The following DNAJC6 variants were observed in gnomAD, a reference collection of about 807,000 sequenced individuals.
The protein encoded by DNAJC6 is auxilin.
Under a neutral mutation model 110.0 loss-of-function variants are expected in DNAJC6, and 34 were observed. The ratio of observed to expected loss-of-function variants is 0.31; its 90% CI spans 0.24 to 0.41. The LOEUF is 0.41. DNAJC6 is among the 10% of genes least tolerant of loss of function. The probability of loss-of-function intolerance (pLI) is 1.00; values close to 1 mark genes in which losing one functional copy is unlikely to be tolerated. For synonymous variants in DNAJC6, 406 were observed against 437.2 expected (o/e 0.93, Z 0.89); for missense variants, 1,031 against 1,207.8 (o/e 0.85, Z 2.17).
chr1:65,406,038 C>G lies in DNAJC6; in HGVS notation c.2396C>G (p.Pro799Arg). 6.2e-7 allele frequency: 1 copy of G among 1,614,150 alleles called. No homozygotes were observed. The highest frequency in any genetic ancestry group is 8.5e-7 in the Non-Finnish European group (1 of 1,180,042). ...CAGCCTAAGCCTCAGCCCAGCATGC[C>G]CCACTCCTCTCCCCAGAACCGACCC... ...QPQPKPQPSM[P>R]HSSPQNRPNY... The change falls in exon 16 of 19, where the codon CCC becomes CGC. Residue 799 changes from proline to arginine, a missense_variant. Coordinates refer to ENST00000371069, the MANE Select transcript of DNAJC6 (RefSeq NM_001256864.2).
chr1:65,372,713 T>C (rs995577216), intron 4 of DNAJC6, among the ~76,000 whole-genome samples: 1 of 152,126 alleles, frequency 6.6e-6, no homozygotes, highest in Non-Finnish European at 1.5e-5. Context: ...ATCCAGCCTG[T>C]GGATTTAACC....
intron 1 of DNAJC6, among the ~76,000 whole-genome samples, chr1:65,285,006 CTG>C (rs1227697180): frequency 6.6e-6 from 1 of 152,104 alleles, no homozygotes; most frequent in Non-Finnish European, 1.5e-5. Context: ...GGTTTTAACT[CTG>C]TGGTTTTCCA....
rs1014369119 is a variant in DNAJC6 at position 65,398,812 on chromosome 1, G to T, written c.2039-1G>T. 1 of 1,613,902 alleles carries T rather than the reference G, an allele frequency of 6.2e-7. No homozygotes were observed. Reference sequence around the variant, plus strand: ...ATTCTTTTTCTTTTCCCCATTTGCAGCTTCTAGTACGCCTGCTGTGAACAT... The same window carrying T: ...ATTCTTTTTCTTTTCCCCATTTGCATCTTCTAGTACGCCTGCTGTGAACAT... On this transcript the variant is annotated splice_acceptor_variant, in intron 13 of 18. Coordinates refer to ENST00000371069, the MANE Select transcript of DNAJC6 (RefSeq NM_001256864.2). LOFTEE classifies it high-confidence loss of function.
intron 1 of DNAJC6, among the ~76,000 whole-genome samples, chr1:65,273,138 A>G (rs2101162351): frequency 6.6e-6 from 1 of 152,166 alleles, no homozygotes; most frequent in South Asian, 2.1e-4. Context: ...TTTTTGTATT[A>G]TACATTTATT....
Position 65,379,534 on chromosome 1 carries a change from C to G in DNAJC6, c.666+10C>G, listed in dbSNP as rs373591833. On this transcript the variant is annotated intron_variant, in intron 5 of 18. Transcript: ENST00000371069. ...TGTTGTCCACTGCTTGGTGAGTAAC[C>G]TTTTGTTGTTGGTGGTGATGGTTTG... The G allele has an allele frequency of 7.4e-6, 12 of 1,613,370 alleles. No homozygotes were observed. Among genetic ancestry groups the G allele is most frequent in the African/African-American group, 2.7e-5 (2 of 74,824 alleles).
chr1:65,349,651 G>T (rs1335855061), intron 1 of DNAJC6, among the ~76,000 whole-genome samples: 1 of 151,928 alleles, frequency 6.6e-6, no homozygotes, highest in African/African-American at 2.4e-5. Context: ...GACCTCCATT[G>T]TTTCTGATGA....
chr1:65,283,967 A>G (rs907399976), intron 1 of DNAJC6, among the ~76,000 whole-genome samples: 1 of 152,106 alleles, frequency 6.6e-6, no homozygotes, highest in African/African-American at 2.4e-5. Context: ...ATAGGCCTCT[A>G]TACTTCTGAC....
At chr1:65,274,929 C>T (rs757849343) in intron 1 of DNAJC6, among the ~76,000 whole-genome samples, 8 of 151,930 alleles carry the variant, frequency 5.3e-5, no homozygotes, top group Non-Finnish European at 5.9e-5. Context: ...TGCCTGCGTG[C>T]GTGTGCAAGT....
At chr1:65,339,723 C>G (rs945245315) in intron 1 of DNAJC6, among the ~76,000 whole-genome samples, 1 of 152,122 alleles carries the variant, frequency 6.6e-6, no homozygotes, top group Non-Finnish European at 1.5e-5. Context: ...AGTGGTCAGT[C>G]AACAGGCAGT....
Position 65,285,212 on chromosome 1 carries a change from T to G in DNAJC6, c.-131+20280T>G, listed in dbSNP as rs563136922. On this transcript the variant is annotated intron_variant, in intron 1 of 19. Coordinates refer to the DNAJC6 transcript ENST00000263441. The stretch of plus-strand genomic sequence containing the variant: ...TTCTTTCCTTGCACAGAGGTAGGAG[T>G]GTTCTCAATATGACCACCATCTGGT... Among the ~76,000 whole-genome samples, 41 of 152,138 alleles carry G rather than the reference T, an allele frequency of 2.7e-4. No homozygotes were observed. The South Asian group carries it at 8.1e-3, about 30-fold the overall frequency.
chr1:65,371,029 G>C (rs1045071714), intron 4 of DNAJC6, among the ~76,000 whole-genome samples: 1 of 152,098 alleles, frequency 6.6e-6, no homozygotes, highest in African/African-American at 2.4e-5. Flanking sequence ...CCTGGCCTGG[G>C]GGCCAGAGGA....
At chr1:65,273,367 G>A (rs917949358) in intron 1 of DNAJC6, among the ~76,000 whole-genome samples, 2 of 152,168 alleles carry the variant, frequency 1.3e-5, no homozygotes, top group African/African-American at 4.8e-5. Context: ...TGGAGGCCGA[G>A]GCAGGTGGAT....
chr1:65,302,886 G>A (rs1187083676), intron 1 of DNAJC6, among the ~76,000 whole-genome samples: 1 of 152,082 alleles, frequency 6.6e-6, no homozygotes, highest in African/African-American at 2.4e-5. Context: ...ATCATGGGAT[G>A]ATGCAGCACG....
intron 1 of DNAJC6, among the ~76,000 whole-genome samples, chr1:65,328,246 G>T (rs973306589): frequency 6.6e-6 from 1 of 152,100 alleles, no homozygotes; most frequent in Middle Eastern, 3.2e-3. Context: ...AATTTTAAAT[G>T]TGTTTTGCTA....
At chr1:65,281,931 C>T (rs994980298) in intron 1 of DNAJC6, among the ~76,000 whole-genome samples, 2 of 151,502 alleles carry the variant, frequency 1.3e-5, no homozygotes, top group Non-Finnish European at 2.9e-5. Context: ...TTATTTTACT[C>T]ATTTATTTAT....
intron 1 of DNAJC6, chr1:65,278,996 A>G: frequency 1.0e-6 from 1 of 985,440 alleles, no homozygotes; most frequent in Non-Finnish European, 1.2e-6. Context: ...TGGCAGTTTA[A>G]AAACAGACAC....
intron 5 of DNAJC6, among the ~76,000 whole-genome samples, chr1:65,382,619 G>A (rs781703516): frequency 1.3e-5 from 2 of 152,170 alleles, no homozygotes; most frequent in Non-Finnish European, 2.9e-5. Context: ...ACCTTAACAT[G>A]TCATCTGGAA....
Position 65,329,060 on chromosome 1 carries a change from T to C in DNAJC6, c.193+19122T>C, listed in dbSNP as rs543235183. Among the ~76,000 whole-genome samples the C allele has an allele frequency of 6.7e-4, 102 of 152,328 alleles. 1 individual carries two copies. The South Asian group carries it at 8.7e-3, about 13-fold the overall frequency. On this transcript the variant is annotated intron_variant, in intron 1 of 18. Transcript: ENST00000371069. ...AGATAATAAATAAATAGTGAATGGG[T>C]AGATGGAGGTCTGGATGAGAGTCCT...
intron 4 of DNAJC6, among the ~76,000 whole-genome samples, chr1:65,377,661 A>G (rs1278677303): frequency 6.6e-6 from 1 of 152,230 alleles, no homozygotes; most frequent in Non-Finnish European, 1.5e-5. Context: ...ACAAAAAAGA[A>G]TGGGCTTTCT....
Sources: allele counts gnomAD v4.1 joint callset (sites outside exome capture counted in the v4.1 genomes callset), GRCh38; gene constraint gnomAD v4.1.1; transcripts MANE v1.5; gene names NCBI Gene and HGNC (gene_info 2026-07-23, HGNC 2026-07-21).